EHBP1: variants seen among roughly 807,000 people sequenced by gnomAD.
The protein encoded by EHBP1 is EH domain binding protein 1.
In EHBP1, 55 loss-of-function variants were observed where a neutral mutation model predicts 144.0. The observed-to-expected ratio is 0.38, with a 90% CI of 0.31 to 0.48. EHBP1 has a LOEUF of 0.48. Ranked by LOEUF, EHBP1 falls within the 20% of genes least tolerant of loss-of-function variation. EHBP1 has a pLI of 0.98. For missense variants in EHBP1, 1,200 were observed against 1,364.2 expected (o/e 0.88, Z 1.90); for synonymous variants, 469 against 472.7 (o/e 0.99, Z 0.10).
At chr2:62,821,313 A>G (rs534949585) in intron 5 of EHBP1, among the ~76,000 whole-genome samples, 4 of 152,320 alleles carry the variant, frequency 2.6e-5, no homozygotes, top group African/African-American at 9.6e-5. Context: ...ATAATAGATG[A>G]AAAAGCATAC....
chr2:63,008,543 T>A (rs1354577620), intron 19 of EHBP1, among the ~76,000 whole-genome samples: 1 of 151,518 alleles, frequency 6.6e-6, no homozygotes, highest in Non-Finnish European at 1.5e-5. Flanking sequence ...TTGCAACTTT[T>A]AGTGATATAT....
chr2:62,906,801 T>G (rs1300921829), intron 10 of EHBP1, among the ~76,000 whole-genome samples: 1 of 152,200 alleles, frequency 6.6e-6, no homozygotes, highest in Admixed American at 6.5e-5. Flanking sequence ...CTAATCCACT[T>G]CTATAGTTTT....
At chr2:62,964,675 T>G (rs557548819) in intron 14 of EHBP1, among the ~76,000 whole-genome samples, 2 of 152,362 alleles carry the variant, frequency 1.3e-5, no homozygotes, top group African/African-American at 4.8e-5. Context: ...GAAACAGTAT[T>G]AATTGTTTTG....
At chr2:62,728,476 G>A (rs1035114080) in intron 2 of EHBP1, among the ~76,000 whole-genome samples, 2 of 151,986 alleles carry the variant, frequency 1.3e-5, no homozygotes, top group African/African-American at 2.4e-5. Context: ...TTTGACTTGC[G>A]TTTCTCTAAT....
chr2:62,978,878 C>CT (rs1559015217), intron 14 of EHBP1, among the ~76,000 whole-genome samples: 1 of 152,074 alleles, frequency 6.6e-6, no homozygotes, highest in East Asian at 1.9e-4. Flanking sequence ...AGTATTGTGA[C>CT]TTTTTTCTGT....
At chr2:62,833,334 A>G (rs997930984) in intron 7 of EHBP1, among the ~76,000 whole-genome samples, 1 of 152,242 alleles carries the variant, frequency 6.6e-6, no homozygotes, top group African/African-American at 2.4e-5. Context: ...CAGGTTATCC[A>G]GAAGATCTCA....
intron 7 of EHBP1, among the ~76,000 whole-genome samples, chr2:62,836,291 A>T (rs967544950): frequency 6.6e-6 from 1 of 151,614 alleles, no homozygotes; most frequent in African/African-American, 2.4e-5. Flanking sequence ...CCTGTCTGTT[A>T]GAAGGAAAAC....
At chr2:62,884,902 T>C (rs1229577540) in intron 10 of EHBP1, among the ~76,000 whole-genome samples, 3 of 152,244 alleles carry the variant, frequency 2.0e-5, no homozygotes, top group African/African-American at 7.2e-5. Flanking sequence ...GTGTTTTACA[T>C]CAAAACATTT....
chr2:62,928,088 C>T (rs973114260), intron 10 of EHBP1, among the ~76,000 whole-genome samples: 1 of 152,120 alleles, frequency 6.6e-6, no homozygotes, highest in South Asian at 2.1e-4. Context: ...ACAATGAAAG[C>T]AGTGTTTAGG....
chr2:62,864,318 G>A (rs913090291), intron 8 of EHBP1, among the ~76,000 whole-genome samples: 2 of 152,106 alleles, frequency 1.3e-5, no homozygotes, highest in African/African-American at 4.8e-5. Flanking sequence ...CCCATTTCAT[G>A]TTCTTTTAAA....
chr2:62,781,730 A>T (rs561384545), intron 5 of EHBP1, among the ~76,000 whole-genome samples: 2 of 152,154 alleles, frequency 1.3e-5, no homozygotes, highest in South Asian at 2.1e-4. Flanking sequence ...AGAGTGGTTG[A>T]TTTTTCTAGG....
chr2:62,980,857 C>A, intron 15 of EHBP1, among the ~76,000 whole-genome samples: 1 of 139,440 alleles, frequency 7.2e-6, no homozygotes, highest in Admixed American at 7.2e-5. Context: ...TTTCACGTGT[C>A]TTTTTTTTTT....
chr2:62,710,195 T>G (rs1391030778), intron 2 of EHBP1, among the ~76,000 whole-genome samples: 1 of 152,132 alleles, frequency 6.6e-6, no homozygotes, highest in Non-Finnish European at 1.5e-5. Flanking sequence ...CTCAAAGGCT[T>G]TACAGGTGTT....
At chr2:62,708,329 C>T (rs770834766) in intron 2 of EHBP1, among the ~76,000 whole-genome samples, 4 of 152,162 alleles carry the variant, frequency 2.6e-5, no homozygotes, top group Non-Finnish European at 4.4e-5. Context: ...ATACCAGGTA[C>T]TGTGGATTTA....
chr2:62,967,578 T>C (rs1181739084), intron 14 of EHBP1, among the ~76,000 whole-genome samples: 3 of 152,214 alleles, frequency 2.0e-5, no homozygotes, highest in African/African-American at 7.2e-5. Flanking sequence ...GGTTTTCACT[T>C]GTGCTTTACA....
intron 4 of EHBP1, among the ~76,000 whole-genome samples, chr2:62,768,046 G>A (rs760770544): frequency 3.9e-5 from 6 of 151,978 alleles, no homozygotes; most frequent in Non-Finnish European, 7.4e-5. Flanking sequence ...GAAATTCAAA[G>A]CACTAAATAC....
chr2:62,727,898 A>G (rs2036993200), intron 2 of EHBP1, among the ~76,000 whole-genome samples: 1 of 152,190 alleles, frequency 6.6e-6, no homozygotes, highest in Admixed American at 6.5e-5. Flanking sequence ...GCAGAGGTGC[A>G]AGGACTCTTT....
At chr2:62,877,900 C>T (rs974394986) in intron 10 of EHBP1, among the ~76,000 whole-genome samples, 4 of 152,122 alleles carry the variant, frequency 2.6e-5, no homozygotes, top group Admixed American at 1.3e-4. Context: ...AAATTAACAA[C>T]GTTATACCAC....
chr2:62,902,488 T>C (rs955758741), intron 10 of EHBP1, among the ~76,000 whole-genome samples: 22 of 152,170 alleles, frequency 1.4e-4, no homozygotes, highest in African/African-American at 4.8e-4. Flanking sequence ...GTTTAACATT[T>C]TTCTTTTTGT....
Sources: gnomAD v4.1 joint callset for allele counts (sites outside exome capture counted in the v4.1 genomes callset) on GRCh38, gnomAD v4.1.1 for gene constraint, MANE v1.5 for transcripts, NCBI Gene and HGNC (gene_info 2026-07-23, HGNC 2026-07-21) for gene names.